Variants in GHR observed in about 807,000 individuals in gnomAD.
GHR encodes growth hormone receptor, also known as GH receptor.
GHR carries 35 observed loss-of-function variants against 67.1 expected under a neutral mutation model. That is an observed-to-expected ratio of 0.52 (90% CI 0.40 to 0.69). GHR has a LOEUF of 0.69. Among genes scored for constraint, GHR ranks in the 30% least tolerant of loss-of-function variants. The pLI is 0.00. For synonymous variants in GHR, 272 were observed against 269.1 expected, an observed-to-expected ratio of 1.01 and a Z score of -0.10; for missense variants, 792 against 764.6, an observed-to-expected ratio of 1.04 and a Z score of -0.42.
At chr5:42,500,952 G>A (rs1484294871) in intron 1 of GHR, among the ~76,000 whole-genome samples, 4 of 152,216 alleles carry the variant, frequency 2.6e-5, no homozygotes, top group Non-Finnish European at 4.4e-5. Context: ...CAACTAAAAA[G>A]TGAGGAAGTT....
chr5:42,568,638 AC>A (rs1750089121), intron 2 of GHR, among the ~76,000 whole-genome samples: 1 of 152,158 alleles, frequency 6.6e-6, no homozygotes, highest in African/African-American at 2.4e-5. Context: ...CCTTGAATAT[AC>A]CCTTTGACCT....
At chr5:42,526,867 C>A (rs576926573) in intron 1 of GHR, among the ~76,000 whole-genome samples, 1 of 152,146 alleles carries the variant, frequency 6.6e-6, no homozygotes, top group African/African-American at 2.4e-5. Context: ...GGAACCCCAT[C>A]GGGCCAACAA....
chr5:42,615,745 A>C (rs565365307), intron 2 of GHR, among the ~76,000 whole-genome samples: 79 of 97,556 alleles, frequency 8.1e-4, no homozygotes, highest in Non-Finnish European at 1.2e-3. Context: ...AAAAAACAAA[A>C]AAAAAAAAAC....
At chr5:42,698,215 G>A (rs778637088) in intron 5 of GHR, among the ~76,000 whole-genome samples, 5 of 152,042 alleles carry the variant, frequency 3.3e-5, no homozygotes, top group Admixed American at 2.6e-4. Context: ...ATAAAGGAGA[G>A]GTCATTATTA....
chr5:42,502,845 A>G (rs34660039), intron 1 of GHR, among the ~76,000 whole-genome samples: 1 of 148,292 alleles, frequency 6.7e-6, no homozygotes, highest in Non-Finnish European at 1.5e-5. Context: ...TATTAAAATA[A>G]TAATTATTTT....
At chr5:42,652,294 A>AGTT (rs10664729) in intron 3 of GHR, among the ~76,000 whole-genome samples, 125,991 of 151,658 alleles carry the variant, frequency 0.83, 52,569 homozygotes, top group East Asian at 1. Flanking sequence ...TTAAAATTAC[A>AGTT]TTCATGTGGT....
intron 3 of GHR, chr5:42,646,452 T>C (rs1042264849): frequency 5.6e-6 from 2 of 358,562 alleles, no homozygotes; most frequent in Admixed American, 3.6e-5. Context: ...AGTAAAAGCT[T>C]TTTTTTTTAT....
At chr5:42,527,372 A>C (rs1215881986) in intron 1 of GHR, among the ~76,000 whole-genome samples, 1 of 152,224 alleles carries the variant, frequency 6.6e-6, no homozygotes, top group Non-Finnish European at 1.5e-5. Flanking sequence ...AGGAAAATCT[A>C]CCAGGCAAAT....
intron 2 of GHR, among the ~76,000 whole-genome samples, chr5:42,590,884 G>T (rs1751739397): frequency 6.6e-6 from 1 of 152,170 alleles, no homozygotes; most frequent in Admixed American, 6.5e-5. Context: ...ATCCAGCTGT[G>T]CAATTGTTTC....
chr5:42,467,749 T>G, intron 1 of GHR: 1 of 1,554,754 alleles, frequency 6.4e-7, no homozygotes, highest in East Asian at 2.2e-5. Context: ...GATTCTCTGA[T>G]GCACAACGAG....
intron 1 of GHR, among the ~76,000 whole-genome samples, chr5:42,504,587 C>T (rs1746677428): frequency 6.6e-6 from 1 of 151,970 alleles, no homozygotes; most frequent in Non-Finnish European, 1.5e-5. Context: ...GATGAAACCC[C>T]ATCTCTACTA....
chr5:42,424,482 TGGACACAGCGCGCAGAGCGCGC>T lies in GHR; in HGVS notation c.-12+530_-12+551del, dbSNP rs1258121108. The T allele has an allele frequency of 2.2e-6, 2 of 928,370 alleles. No homozygotes were observed. The highest frequency in any genetic ancestry group is 3.3e-5 in the African/African-American group (2 of 61,532). The allele number at this position is 928,370 out of a possible 1,614,324, so 57.5% of individuals were successfully genotyped here. A position where few individuals can be genotyped will look rare whatever the true frequency, so the allele number is the denominator to read the frequency against. ...GACTGGGGAGGTCGAGCTGTGCGCG[TGGACACAGCGCGCAGAGCGCGC>T]GGTCTTTTGCGCGTTTGTGCGGGCC... is the stretch of plus-strand genomic sequence containing the variant. On this transcript the variant is annotated intron_variant, in intron 1 of 9. Transcript: ENST00000230882. This position sits in a 1 kb window ranked among gnomAD's most constrained non-coding sequence, Gnocchi z 4.1.
intron 3 of GHR, among the ~76,000 whole-genome samples, chr5:42,662,528 G>A (rs1292355127): frequency 1.3e-5 from 2 of 152,086 alleles, no homozygotes; most frequent in African/African-American, 4.8e-5. Context: ...CAAAATGAAG[G>A]CAGAAATAAA....
At chr5:42,637,285 G>A (rs1754243581) in intron 3 of GHR, among the ~76,000 whole-genome samples, 1 of 152,092 alleles carries the variant, frequency 6.6e-6, no homozygotes, top group African/African-American at 2.4e-5. Context: ...ATTCTAAACA[G>A]CAAAGCAATT....
At chr5:42,506,414 C>T (rs1245322169) in intron 1 of GHR, among the ~76,000 whole-genome samples, 1 of 152,110 alleles carries the variant, frequency 6.6e-6, no homozygotes, top group African/African-American at 2.4e-5. Flanking sequence ...CTAACAAAAG[C>T]AAATTCAGGA....
intron 1 of GHR, among the ~76,000 whole-genome samples, chr5:42,503,359 G>GACAAA (rs1746622539): frequency 1.3e-5 from 2 of 152,134 alleles, no homozygotes; most frequent in Non-Finnish European, 1.5e-5. Flanking sequence ...AACAAGACAA[G>GACAAA]ACAAAACAAA....
intron 1 of GHR, among the ~76,000 whole-genome samples, chr5:42,495,931 C>G (rs1018192477): frequency 4.6e-5 from 7 of 152,142 alleles, no homozygotes; most frequent in African/African-American, 1.7e-4. Context: ...ATAGATCCAC[C>G]TTTGACAGCT....
intron 2 of GHR, among the ~76,000 whole-genome samples, chr5:42,592,555 T>C (rs567600635): frequency 6.6e-6 from 1 of 152,376 alleles, no homozygotes; most frequent in South Asian, 2.1e-4. Flanking sequence ...CTCAGGATAA[T>C]GGCTTCCAGC....
intron 1 of GHR, among the ~76,000 whole-genome samples, chr5:42,474,073 C>T (rs1306369701): frequency 6.6e-6 from 1 of 151,320 alleles, no homozygotes; most frequent in African/African-American, 2.4e-5. Flanking sequence ...CCTATAATCC[C>T]AGCTACTTGG....
Sources: gnomAD v4.1 joint callset for allele counts (sites outside exome capture counted in the v4.1 genomes callset) on GRCh38, gnomAD v4.1.1 for gene constraint, Gnocchi (gnomAD v3.1) non-coding constraint, MANE v1.5 for transcripts, NCBI Gene and HGNC (gene_info 2026-07-23, HGNC 2026-07-21) for gene names.